The following MALRD1 variants were observed in gnomAD, a reference collection of about 807,000 sequenced individuals.
The protein encoded by MALRD1 is MAM and LDL-receptor class A domain-containing protein 1.
In MALRD1, 247 loss-of-function variants were observed where a neutral mutation model predicts 242.1. That is an observed-to-expected ratio of 1.02 (90% CI 0.92 to 1.13). The LOEUF (loss-of-function observed/expected upper bound fraction) is 1.13, where lower values mean the gene tolerates loss of function less well. MALRD1 is among the 50% of genes most tolerant of loss of function. The pLI, the probability that MALRD1 is intolerant of heterozygous loss-of-function variation, is 0.00. For synonymous variants in MALRD1, 995 were observed against 866.6 expected (o/e 1.15, Z -2.60); for missense variants, 2,989 against 2,533.1 (o/e 1.18, Z -3.86).
At chr10:19,239,883 C>T (rs975840157) in intron 18 of MALRD1, among the ~76,000 whole-genome samples, 1 of 152,092 alleles carries the variant, frequency 6.6e-6, no homozygotes, top group African/African-American at 2.4e-5. Context: ...CAGTGCCATG[C>T]TGTTTTGCTT....
chr10:19,577,935 C>T (rs1836912180), intron 33 of MALRD1, among the ~76,000 whole-genome samples: 1 of 152,070 alleles, frequency 6.6e-6, no homozygotes, highest in Admixed American at 6.6e-5. Flanking sequence ...CAGAGAGGTT[C>T]TGTGGGCTTT....
At chr10:19,325,422 T>C (rs1285843726) in intron 22 of MALRD1, among the ~76,000 whole-genome samples, 1 of 151,992 alleles carries the variant, frequency 6.6e-6, no homozygotes, top group Non-Finnish European at 1.5e-5. Context: ...TATTTTTTTT[T>C]TTTTTCTGGG....
At chr10:19,083,730 C>T (rs532141638) in intron 2 of MALRD1, among the ~76,000 whole-genome samples, 1 of 151,878 alleles carries the variant, frequency 6.6e-6, no homozygotes, top group Non-Finnish European at 1.5e-5. Context: ...TGAATGCAAG[C>T]TGCTATTTTT....
intron 24 of MALRD1, among the ~76,000 whole-genome samples, chr10:19,335,200 T>TG (rs1031889378): frequency 8.0e-5 from 12 of 150,656 alleles, no homozygotes; most frequent in African/African-American, 1.5e-4. Flanking sequence ...TTGTTTTTTT[T>TG]TTTTTTTAGA....
At chr10:19,105,574 G>C (rs1381588533) in intron 5 of MALRD1, among the ~76,000 whole-genome samples, 1 of 151,896 alleles carries the variant, frequency 6.6e-6, no homozygotes, top group Admixed American at 6.6e-5. Context: ...GAGTCATTTG[G>C]TACTTCTATT....
At chr10:19,478,940 C>G (rs142820630) in intron 29 of MALRD1, among the ~76,000 whole-genome samples, 1 of 152,078 alleles carries the variant, frequency 6.6e-6, no homozygotes, top group Non-Finnish European at 1.5e-5. Context: ...TCATTTTACC[C>G]AAAGTATTTT....
At chr10:19,146,423 T>G (rs1833728678) in intron 11 of MALRD1, 79 bp downstream of exon 11, 1 of 1,139,144 alleles carries the variant, frequency 8.8e-7, no homozygotes, top group South Asian at 4.6e-5. Context: ...TATTTTCATT[T>G]CTATTCTGTA....
intron 18 of MALRD1, 82 bp from the exon 19 acceptor site, chr10:19,257,602 T>C: frequency 9.4e-7 from 1 of 1,065,618 alleles, no homozygotes; most frequent in Non-Finnish European, 1.3e-6. Context: ...CATTTTAAAT[T>C]CCTCTTCATC....
At chr10:19,113,562 C>T (rs1185989458) in intron 5 of MALRD1, among the ~76,000 whole-genome samples, 1 of 151,748 alleles carries the variant, frequency 6.6e-6, no homozygotes, top group Non-Finnish European at 1.5e-5. Flanking sequence ...TCCCTCCTTC[C>T]TCCACCTCCC....
intron 28 of MALRD1, among the ~76,000 whole-genome samples, chr10:19,422,251 G>T (rs1479986586): frequency 6.6e-6 from 1 of 152,122 alleles, no homozygotes; most frequent in Non-Finnish European, 1.5e-5. Context: ...CAGTACCTTT[G>T]CAATTTTATG....
rs539411050 is a variant in MALRD1 at position 19,622,773 on chromosome 10, A to G, written c.6137+6850A>G. ...ATATCAATAGAATAAAGCTCTTATT[A>G]TTAAACTGTATTATACAGGCATCTG... is the stretch of plus-strand genomic sequence containing the variant. On this transcript the variant is annotated intron_variant, in intron 36 of 39. Coordinates refer to ENST00000454679, the MANE Select transcript of MALRD1 (RefSeq NM_001142308.3). Among the ~76,000 whole-genome samples the G allele has an allele frequency of 2.0e-5, 3 of 152,032 alleles. No homozygotes were observed. The East Asian group carries it at 5.8e-4, about 29-fold the overall frequency.
intron 38 of MALRD1, among the ~76,000 whole-genome samples, chr10:19,715,755 T>A (rs896373572): frequency 6.6e-6 from 1 of 152,320 alleles, no homozygotes; most frequent in South Asian, 2.1e-4. Context: ...TCAGGCAACT[T>A]ACAATCATGG....
At chr10:19,563,396 CA>C (rs1836094769) in intron 32 of MALRD1, among the ~76,000 whole-genome samples, 1 of 152,130 alleles carries the variant, frequency 6.6e-6, no homozygotes, top group Admixed American at 6.5e-5. Flanking sequence ...AACCCATAGG[CA>C]ACTATGCACT....
chr10:19,676,549 A>T (rs1842146928), intron 36 of MALRD1, among the ~76,000 whole-genome samples: 1 of 152,212 alleles, frequency 6.6e-6, no homozygotes, highest in African/African-American at 2.4e-5. Flanking sequence ...TTTAAGTTTG[A>T]ATAATGCAGC....
chr10:19,193,342 G>A (rs1419937103), intron 14 of MALRD1, among the ~76,000 whole-genome samples: 1 of 152,130 alleles, frequency 6.6e-6, no homozygotes, highest in Admixed American at 6.5e-5. Flanking sequence ...GATCGCTTAA[G>A]CCCAGGAGTT....
intron 14 of MALRD1, among the ~76,000 whole-genome samples, chr10:19,195,152 G>A (rs1265084648): frequency 6.6e-6 from 1 of 152,110 alleles, no homozygotes; most frequent in Non-Finnish European, 1.5e-5. Flanking sequence ...TAGTGTTCAG[G>A]ATAATCCAGA....
chr10:19,592,387 T>C (rs981984818), intron 33 of MALRD1, among the ~76,000 whole-genome samples: 1 of 152,214 alleles, frequency 6.6e-6, no homozygotes, highest in Non-Finnish European at 1.5e-5. Context: ...GCCTGGGCCA[T>C]CTTATCTCCA....
intron 29 of MALRD1, among the ~76,000 whole-genome samples, chr10:19,478,236 A>G (rs1384294004): frequency 6.6e-6 from 1 of 152,200 alleles, no homozygotes; most frequent in East Asian, 1.9e-4. Context: ...TGCAAATCCT[A>G]AGCAAAAGCT....
intron 32 of MALRD1, among the ~76,000 whole-genome samples, chr10:19,563,770 G>T (rs1836119225): frequency 6.6e-6 from 1 of 152,100 alleles, no homozygotes; most frequent in Admixed American, 6.6e-5. Flanking sequence ...TGAAGTAGAT[G>T]GTCTCTAATA....
Sources: allele counts gnomAD v4.1 joint callset (sites outside exome capture counted in the v4.1 genomes callset), GRCh38; gene constraint gnomAD v4.1.1; transcripts MANE v1.5; gene names NCBI Gene and HGNC (gene_info 2026-07-23, HGNC 2026-07-21).